ARHGAP24: variants seen among roughly 807,000 people sequenced by gnomAD.
The protein encoded by ARHGAP24 is Rho GTPase activating protein 24.
ARHGAP24 carries 50 observed loss-of-function variants against 76.4 expected under a neutral mutation model. The ratio of observed to expected loss-of-function variants is 0.65; its 90% confidence interval spans 0.52 to 0.83. ARHGAP24 has a LOEUF of 0.83. Among genes scored for constraint, ARHGAP24 ranks in the 40% least tolerant of loss-of-function variants. ARHGAP24 has a pLI of 0.00. For synonymous variants in ARHGAP24, 345 were observed against 323.3 expected, an observed-to-expected ratio of 1.07 and a Z score of -0.72; for missense variants, 930 against 914.2, an observed-to-expected ratio of 1.02 and a Z score of -0.22.
intron 1 of ARHGAP24, among the ~76,000 whole-genome samples, chr4:85,524,372 A>G (rs1260945385): frequency 6.6e-6 from 1 of 152,194 alleles, no homozygotes; most frequent in Non-Finnish European, 1.5e-5. Flanking sequence ...TGCACCAAGT[A>G]CACATTATGT....
intron 2 of ARHGAP24, 39 bp from the exon 3 acceptor site, chr4:85,721,846 C>T: frequency 6.5e-7 from 1 of 1,533,760 alleles, no homozygotes; most frequent in Admixed American, 1.7e-5. Context: ...GATGTTTGCT[C>T]TCTGATGATG....
intron 3 of ARHGAP24, among the ~76,000 whole-genome samples, chr4:85,859,212 T>TACGCATAC (rs1731746797): frequency 6.9e-6 from 1 of 145,454 alleles, no homozygotes; most frequent in African/African-American, 2.5e-5. Flanking sequence ...GCCACATGCA[T>TACGCATAC]ACACACACAC....
chr4:85,784,041 C>T (rs1727688963), intron 3 of ARHGAP24, among the ~76,000 whole-genome samples: 1 of 152,078 alleles, frequency 6.6e-6, no homozygotes, highest in Non-Finnish European at 1.5e-5. Context: ...GTTTCTTCTC[C>T]CTTGCCTCCC....
chr4:85,904,194 G>A (rs1734648104), intron 3 of ARHGAP24, among the ~76,000 whole-genome samples: 1 of 152,150 alleles, frequency 6.6e-6, no homozygotes, highest in African/African-American at 2.4e-5. Context: ...AGGCTATACA[G>A]GAAGCATAGC....
chr4:85,943,930 A>G (rs538169246), intron 5 of ARHGAP24, among the ~76,000 whole-genome samples: 3 of 152,036 alleles, frequency 2.0e-5, no homozygotes, highest in Non-Finnish European at 2.9e-5. Flanking sequence ...ACGTGTGCAT[A>G]TATCTTTATA....
intron 1 of ARHGAP24, among the ~76,000 whole-genome samples, chr4:85,537,548 A>G (rs1725517216): frequency 6.6e-6 from 1 of 152,098 alleles, no homozygotes; most frequent in Admixed American, 6.6e-5. Flanking sequence ...AAATTTTCCT[A>G]GGGTAAGGTA....
chr4:85,739,727 C>T lies in ARHGAP24; in HGVS notation c.268+17755C>T, dbSNP rs1339558552. 3.1e-4 allele frequency among the ~76,000 whole-genome samples: 2 copies of T among 6,514 alleles called. 1 individual carries two copies. Among genetic ancestry groups the T allele is most frequent in the African/African-American group, 3.2e-4 (2 of 6,174 alleles). The allele number at this position is 6,514 out of a possible 152,430, so 4.3% of individuals were successfully genotyped here. A position where few individuals can be genotyped will look rare whatever the true frequency, so the allele number is the denominator to read the frequency against. On this transcript the variant is annotated intron_variant, in intron 3 of 9. Coordinates refer to ENST00000395184, the MANE Select transcript of ARHGAP24 (RefSeq NM_001025616.3). ...CTGCAAGCTCCGCCTCCCGGGTTCA[C>T]GCCATTCTCCTGCCTCAGCCTCCCG...
intron 5 of ARHGAP24, among the ~76,000 whole-genome samples, chr4:85,969,491 A>G (rs189696523): frequency 6.6e-6 from 1 of 151,914 alleles, no homozygotes; most frequent in Admixed American, 6.6e-5. Context: ...TTTTATTTTT[A>G]TATTCTTTTC....
chr4:85,850,994 T>C (rs1054273847), intron 3 of ARHGAP24, among the ~76,000 whole-genome samples: 4 of 152,186 alleles, frequency 2.6e-5, no homozygotes, highest in Admixed American at 2.6e-4. Flanking sequence ...GTTCAAGTCC[T>C]GGATATCCTT....
At chr4:85,655,911 T>C (rs1316376281) in intron 2 of ARHGAP24, among the ~76,000 whole-genome samples, 1 of 151,580 alleles carries the variant, frequency 6.6e-6, no homozygotes, top group East Asian at 1.9e-4. Context: ...GAATAAAATA[T>C]GTAAAGTTCT....
At chr4:85,553,729 A>G (rs1726241231) in intron 1 of ARHGAP24, among the ~76,000 whole-genome samples, 1 of 152,220 alleles carries the variant, frequency 6.6e-6, no homozygotes, top group Non-Finnish European at 1.5e-5. Flanking sequence ...ATGAGTCTCT[A>G]GAAGACAGCA....
intron 8 of ARHGAP24, among the ~76,000 whole-genome samples, chr4:85,987,996 T>C (rs1319405047): frequency 6.6e-6 from 1 of 151,888 alleles, no homozygotes; most frequent in African/African-American, 2.4e-5. Flanking sequence ...AGAAATTATA[T>C]AACCAAAAGA....
chr4:85,656,257 C>A (rs1462320778), intron 2 of ARHGAP24, among the ~76,000 whole-genome samples: 2 of 152,006 alleles, frequency 1.3e-5, no homozygotes, highest in African/African-American at 4.8e-5. Context: ...ATTTGTGGAA[C>A]CACTGAATTT....
intron 1 of ARHGAP24, among the ~76,000 whole-genome samples, chr4:85,495,993 T>A (rs1723567423): frequency 2.0e-5 from 3 of 152,252 alleles, no homozygotes; most frequent in Non-Finnish European, 4.4e-5. Flanking sequence ...TGGGAAGTAG[T>A]TAGCCTACTG....
chr4:85,690,630 T>G (rs1367016377), intron 2 of ARHGAP24, among the ~76,000 whole-genome samples: 1 of 152,080 alleles, frequency 6.6e-6, no homozygotes, highest in African/African-American at 2.4e-5. Flanking sequence ...CTGAGGATCT[T>G]TTGTATTTCT....
chr4:85,561,369 ATC>A lies in ARHGAP24; in HGVS notation c.-20-9149_-20-9148del, dbSNP rs1394022559. On this transcript the variant is annotated intron_variant, in intron 1 of 9. Coordinates refer to ENST00000395184, the MANE Select transcript of ARHGAP24 (RefSeq NM_001025616.3). ...TGGAATTTGTATCAGAGCTAAAACA[ATC>A]TCTATTACATCCTTTGTTATTTTGG... Among the ~76,000 whole-genome samples the A allele has an allele frequency of 1.6e-4, 25 of 152,298 alleles. No homozygotes were observed. The East Asian group carries it at 3.7e-3, about 22-fold the overall frequency.
At chr4:85,475,803 G>T (rs1232901784) in intron 1 of ARHGAP24, among the ~76,000 whole-genome samples, 2 of 151,868 alleles carry the variant, frequency 1.3e-5, no homozygotes, top group African/African-American at 4.8e-5. Flanking sequence ...GCGCGCGCGC[G>T]CATGTTTGTG....
chr4:85,732,822 T>C (rs1247105776), intron 3 of ARHGAP24, among the ~76,000 whole-genome samples: 2 of 150,960 alleles, frequency 1.3e-5, no homozygotes, highest in East Asian at 2.0e-4. Flanking sequence ...GCCTCCTGAG[T>C]AGCTGGGATT....
chr4:85,876,097 A>G (rs1279343498), intron 3 of ARHGAP24, among the ~76,000 whole-genome samples: 1 of 152,140 alleles, frequency 6.6e-6, no homozygotes, highest in Non-Finnish European at 1.5e-5. Flanking sequence ...TATAAAAGCG[A>G]TTATTTTGGT....
Sources: gnomAD v4.1 joint callset for allele counts (sites outside exome capture counted in the v4.1 genomes callset) on GRCh38, gnomAD v4.1.1 for gene constraint, MANE v1.5 for transcripts, NCBI Gene and HGNC (gene_info 2026-07-23, HGNC 2026-07-21) for gene names.